DGKK: variants seen among roughly 807,000 people sequenced by gnomAD.
DGKK encodes the protein diacylglycerol kinase kappa, also known as 142 kDa diacylglycerol kinase.
A neutral mutation model predicts 92.2 loss-of-function variants in DGKK; 35 were observed. The observed-to-expected ratio is 0.38, with a 90% CI of 0.29 to 0.50. DGKK has a LOEUF of 0.50. Ranked by LOEUF, DGKK falls within the 20% of genes least tolerant of loss-of-function variation. The probability of loss-of-function intolerance (pLI) is 0.92; values close to 1 mark genes in which losing one functional copy is unlikely to be tolerated. For missense variants in DGKK, 910 were observed against 992.2 expected, an observed-to-expected ratio of 0.92 and a Z score of 1.11; for synonymous variants, 368 against 360.6, an observed-to-expected ratio of 1.02 and a Z score of -0.23.
intron 4 of DGKK, among the ~76,000 whole-genome samples, chrX:50,416,430 T>C (rs1557228548): frequency 8.9e-6 from 1 of 112,500 alleles, no homozygotes; most frequent in African/African-American, 3.2e-5. Context: ...GATTTAGTAA[T>C]ATTAAGTGTT....
intron 4 of DGKK, among the ~76,000 whole-genome samples, chrX:50,410,293 A>G (rs972181359): frequency 1.8e-5 from 2 of 112,085 alleles, no homozygotes; most frequent in Admixed American, 1.9e-4. Flanking sequence ...CTATCTTCTT[A>G]GAGTATACCT....
chrX:50,391,277 C>T (rs1302344239), intron 11 of DGKK, among the ~76,000 whole-genome samples, 160 bp downstream of exon 11: 1 of 111,288 alleles, frequency 9.0e-6, no homozygotes, highest in Admixed American at 9.5e-5. Flanking sequence ...CCCTGGCTTC[C>T]CAAGAGACAA....
chrX:50,444,631 T>C (rs1444643868), intron 1 of DGKK, among the ~76,000 whole-genome samples: 1 of 112,125 alleles, frequency 8.9e-6, no homozygotes, highest in Non-Finnish European at 1.9e-5. Flanking sequence ...TCTCATTCTT[T>C]TGTATGGCTG....
intron 4 of DGKK, among the ~76,000 whole-genome samples, chrX:50,408,530 C>T (rs1450534838): frequency 9.1e-6 from 1 of 110,395 alleles, no homozygotes; most frequent in African/African-American, 3.3e-5. Context: ...AGGCGCCCGC[C>T]ACCACGCCCG....
intron 4 of DGKK, among the ~76,000 whole-genome samples, chrX:50,411,145 T>C (rs1384210672): frequency 9.0e-6 from 1 of 111,266 alleles, no homozygotes; most frequent in Non-Finnish European, 1.9e-5. Context: ...GGATAACTGT[T>C]AGGCCAGCGA....
intron 25 of DGKK, among the ~76,000 whole-genome samples, chrX:50,372,787 G>A (rs992676932): frequency 8.9e-6 from 1 of 112,314 alleles, no homozygotes; most frequent in Admixed American, 9.4e-5. Flanking sequence ...AGTAAGTAGT[G>A]AGCTGGGAGA....
intron 8 of DGKK, among the ~76,000 whole-genome samples, chrX:50,396,730 C>A (rs1190184637): frequency 9.0e-6 from 1 of 111,336 alleles, no homozygotes; most frequent in Non-Finnish European, 1.9e-5. Flanking sequence ...TCAGCAAGGC[C>A]AAGTTTGTCA....
chrX:50,424,811 C>T (rs1925691853), intron 1 of DGKK, among the ~76,000 whole-genome samples: 1 of 111,500 alleles, frequency 9.0e-6, no homozygotes, highest in African/African-American at 3.3e-5. Flanking sequence ...ATGTTCCTTC[C>T]TTGTTCGCAA....
At chrX:50,379,875 G>A (rs1346647758) in intron 19 of DGKK, 106 bp downstream of exon 19, 1 of 921,455 alleles carries the variant, frequency 1.1e-6, no homozygotes, top group African/African-American at 1.9e-5. Context: ...TGAGCTGTGA[G>A]GATCACAGAG....
chrX:50,390,386 G>A lies in DGKK; in HGVS notation c.1868C>T (p.Thr623Ile), dbSNP rs781873895. 4.0e-5 allele frequency: 48 copies of A among 1,209,080 alleles called. No individual in the cohort carries two copies. The highest frequency in any genetic ancestry group is 5.0e-5 in the Non-Finnish European group (45 of 894,284). ...TTTTAGCAGCGGGGTTTGTCTGGGAGTCTCACGAATCATCACACTCCATCT... is the reference window on the plus strand; with the variant it reads ...TTTTAGCAGCGGGGTTTGTCTGGGAATCTCACGAATCATCACACTCCATCT... The part of the protein sequence containing the change: ...LDRWSVMIRE[T>I]PRQTPLLKGQ... The change falls in exon 12 of 28, where the codon ACT becomes ATT. Residue 623 changes from threonine (T) to isoleucine (I), a missense_variant. Physicochemically the swap from Thr to Ile is moderately conservative, Grantham distance 89. Coordinates refer to ENST00000611977, the MANE Select transcript of DGKK (RefSeq NM_001013742.4).
chrX:50,429,614 G>C (rs1342527680), intron 1 of DGKK, among the ~76,000 whole-genome samples: 1 of 111,684 alleles, frequency 9.0e-6, no homozygotes, highest in Non-Finnish European at 1.9e-5. Flanking sequence ...GCGTGAACCC[G>C]GGAGGCGGAG....
At chrX:50,422,823 CAT>C in intron 2 of DGKK, among the ~76,000 whole-genome samples, 1 of 112,443 alleles carries the variant, frequency 8.9e-6, no homozygotes, top group Admixed American at 9.4e-5. Context: ...ATTATTTAAA[CAT>C]AAAGGCTTAT....
At chrX:50,382,271 A>T (rs1412422459) in intron 18 of DGKK, among the ~76,000 whole-genome samples, 1 of 112,159 alleles carries the variant, frequency 8.9e-6, no homozygotes, top group East Asian at 2.8e-4. Flanking sequence ...TTTACACAGA[A>T]ATCCACAGGT....
intron 4 of DGKK, among the ~76,000 whole-genome samples, chrX:50,412,865 G>T (rs963338286): frequency 1.3e-4 from 14 of 111,525 alleles, no homozygotes; most frequent in African/African-American, 4.6e-4. Context: ...CCATAGATTG[G>T]TACCAGTCCA....
At chrX:50,429,151 C>A (rs1439079518) in intron 1 of DGKK, among the ~76,000 whole-genome samples, 1 of 111,684 alleles carries the variant, frequency 9.0e-6, no homozygotes, top group Non-Finnish European at 1.9e-5. Context: ...CATCTCATTG[C>A]CTCCTCACAA....
chrX:50,417,769 C>T (rs1925473579), intron 4 of DGKK, among the ~76,000 whole-genome samples: 1 of 110,622 alleles, frequency 9.0e-6, no homozygotes, highest in Non-Finnish European at 1.9e-5. Flanking sequence ...CCTTGTCTAA[C>T]CCATCCTGTA....
chrX:50,372,102 C>T (rs1557223293), intron 25 of DGKK, among the ~76,000 whole-genome samples: 1 of 111,756 alleles, frequency 8.9e-6, no homozygotes. Flanking sequence ...TGAGCTTCAC[C>T]CCTACAGCTT....
chrX:50,392,477 A>T (rs1381041604), intron 9 of DGKK, 28 bp from the exon 10 acceptor site: 2 of 1,129,482 alleles, frequency 1.8e-6, no homozygotes, highest in Non-Finnish European at 2.4e-6. Flanking sequence ...AAAGGGGGTC[A>T]TTTCATGAAC....
intron 1 of DGKK, among the ~76,000 whole-genome samples, chrX:50,431,173 G>A (rs1557230255): frequency 9.0e-6 from 1 of 110,835 alleles, no homozygotes; most frequent in African/African-American, 3.3e-5. Flanking sequence ...CAAGACTACA[G>A]GTGCCCGCCA....
Sources: allele counts gnomAD v4.1 joint callset (sites outside exome capture counted in the v4.1 genomes callset), GRCh38; gene constraint gnomAD v4.1.1; transcripts MANE v1.5; gene names NCBI Gene and HGNC (gene_info 2026-07-23, HGNC 2026-07-21).